CADPS: variants seen among roughly 807,000 people sequenced by gnomAD.
The protein encoded by CADPS is calcium dependent secretion activator.
In CADPS, 57 loss-of-function variants were observed where a neutral mutation model predicts 167.3. The observed-to-expected ratio is 0.34, with a 90% CI of 0.28 to 0.42. The LOEUF (loss-of-function observed/expected upper bound fraction) is 0.42, where lower values mean the gene tolerates loss of function less well. Among genes scored for constraint, CADPS ranks in the 20% least tolerant of loss-of-function variants. CADPS has a pLI of 1.00. For synonymous variants in CADPS, 676 were observed against 635.3 expected, an observed-to-expected ratio of 1.06 and a Z score of -0.96; for missense variants, 1,414 against 1,738.1, an observed-to-expected ratio of 0.81 and a Z score of 3.32.
Position 62,875,050 on chromosome 3 carries a change from G to A in CADPS, c.-21C>T, listed in dbSNP as rs754525643. Reference sequence around the variant, plus strand: ...AGCATAGTGGCGCCTGGGGAGCGGGGTCTCTGGAGCCCCCGGCTTGGAGTG... The same window carrying A: ...AGCATAGTGGCGCCTGGGGAGCGGGATCTCTGGAGCCCCCGGCTTGGAGTG... On this transcript the variant is annotated 5_prime_UTR_variant, in exon 1 of 30. Transcript: ENST00000383710. 2.5e-6 allele frequency: 4 copies of A among 1,571,912 alleles called. No individual in the cohort carries two copies. The highest frequency in any genetic ancestry group is 3.5e-5 in the Admixed American group (2 of 56,908).
chr3:62,629,757 G>GTTTTTTTTTTTTTTTTTTTTTTTTT (rs55956118), intron 6 of CADPS, among the ~76,000 whole-genome samples: 2 of 145,676 alleles, frequency 1.4e-5, no homozygotes, highest in Non-Finnish European at 1.5e-5. Flanking sequence ...CTCTGGTACA[G>GTTTTTTTTTTTTTTTTTTTTTTTTT]TTTTTTTTTT....
chr3:62,542,941 A>C (rs1182018198), intron 11 of CADPS, among the ~76,000 whole-genome samples: 2 of 152,304 alleles, frequency 1.3e-5, no homozygotes, highest in East Asian at 3.9e-4. Context: ...CACTCACTCC[A>C]ACATGAGCAA....
At position 62,489,191 on chromosome 3, in the gene CADPS, C is replaced by T. The variant is rs997096838; in HGVS notation, c.3026+2148G>A. 4.6e-5 allele frequency among the ~76,000 whole-genome samples: 7 copies of T among 151,652 alleles called. No homozygotes were observed. In the East Asian group the frequency reaches 7.8e-4, roughly 17 times the overall value. On this transcript the variant is annotated intron_variant, in intron 21 of 29. Coordinates refer to ENST00000383710, the MANE Select transcript of CADPS (RefSeq NM_003716.4). ...TATTTTTTTTTTTGAGACGGCATCTCGGTCTGTCACCCAGGCTGGAGTGCA... is the reference window on the plus strand; with the variant it reads ...TATTTTTTTTTTTGAGACGGCATCTTGGTCTGTCACCCAGGCTGGAGTGCA...
intron 1 of CADPS, among the ~76,000 whole-genome samples, chr3:62,821,193 G>A (rs946229770): frequency 6.6e-6 from 1 of 152,056 alleles, no homozygotes; most frequent in African/African-American, 2.4e-5. Context: ...GTTTGCTATT[G>A]TTACATAACA....
chr3:62,591,542 C>T (rs761283324), intron 7 of CADPS, among the ~76,000 whole-genome samples: 49 of 151,796 alleles, frequency 3.2e-4, no homozygotes, highest in Admixed American at 4.6e-4. Flanking sequence ...GTATAGTAGG[C>T]GGGGAGGAAT....
At chr3:62,777,940 G>A (rs2090712103) in intron 1 of CADPS, among the ~76,000 whole-genome samples, 1 of 152,146 alleles carries the variant, frequency 6.6e-6, no homozygotes, top group African/African-American at 2.4e-5. Flanking sequence ...TGAGCCGGCT[G>A]AATTGTACTG....
intron 11 of CADPS, among the ~76,000 whole-genome samples, chr3:62,549,023 CT>C (rs1164450331): frequency 6.6e-6 from 1 of 152,184 alleles, no homozygotes; most frequent in Non-Finnish European, 1.5e-5. Context: ...TAGACAGTTG[CT>C]CAATGACCTA....
intron 6 of CADPS, among the ~76,000 whole-genome samples, chr3:62,631,098 T>C (rs1307268265): frequency 6.8e-6 from 1 of 147,406 alleles, no homozygotes; most frequent in Admixed American, 6.7e-5. Context: ...TTAAAAACTT[T>C]ATCTGTATAA....
At chr3:62,804,755 C>T (rs377202739) in intron 1 of CADPS, among the ~76,000 whole-genome samples, 4 of 151,992 alleles carry the variant, frequency 2.6e-5, no homozygotes, top group African/African-American at 7.2e-5. Context: ...CAACGTATCA[C>T]AGTGATTTAT....
chr3:62,633,001 C>G (rs2065585482), intron 6 of CADPS, among the ~76,000 whole-genome samples: 1 of 152,078 alleles, frequency 6.6e-6, no homozygotes, highest in African/African-American at 2.4e-5. Context: ...CACTCAAGGT[C>G]ATTCACCGAG....
intron 1 of CADPS, among the ~76,000 whole-genome samples, chr3:62,853,047 C>G (rs1409969403): frequency 6.6e-6 from 1 of 152,158 alleles, no homozygotes; most frequent in Non-Finnish European, 1.5e-5. Context: ...GAAAGCCCAT[C>G]TAAGCAGTGG....
chr3:62,608,438 A>G (rs1202918814), intron 6 of CADPS, among the ~76,000 whole-genome samples: 3 of 151,910 alleles, frequency 2.0e-5, no homozygotes, highest in African/African-American at 7.3e-5. Flanking sequence ...ATGTGCCACC[A>G]TGCCAGGCGA....
chr3:62,599,607 TA>T (rs1197052969), intron 6 of CADPS, among the ~76,000 whole-genome samples: 2 of 66,244 alleles, frequency 3.0e-5, no homozygotes, highest in African/African-American at 5.9e-5. Flanking sequence ...ATATATTTAT[TA>T]TATTATATAT....
chr3:62,512,956 A>C (rs936792091), intron 16 of CADPS, among the ~76,000 whole-genome samples, 188 bp from the exon 17 acceptor site: 11 of 152,128 alleles, frequency 7.2e-5, no homozygotes, highest in African/African-American at 2.7e-4. Context: ...TCCTTCACAG[A>C]GGTGGAAAAT....
chr3:62,661,495 G>A (rs1427333676), intron 4 of CADPS, among the ~76,000 whole-genome samples: 1 of 152,144 alleles, frequency 6.6e-6, no homozygotes, highest in Non-Finnish European at 1.5e-5. Context: ...GGACTCGGGA[G>A]TTCCGGTGGG....
intron 7 of CADPS, among the ~76,000 whole-genome samples, chr3:62,590,548 T>C (rs749049944): frequency 4.6e-5 from 7 of 152,232 alleles, no homozygotes; most frequent in Non-Finnish European, 1.0e-4. Flanking sequence ...TAGCTTTATT[T>C]ACTTTTCGTT....
At chr3:62,641,275 C>T (rs2067364342) in intron 6 of CADPS, among the ~76,000 whole-genome samples, 2 of 152,142 alleles carry the variant, frequency 1.3e-5, no homozygotes, top group South Asian at 4.1e-4. Context: ...TGTTAATGAC[C>T]TACTAGCATC....
intron 9 of CADPS, among the ~76,000 whole-genome samples, chr3:62,563,120 A>G (rs2079473521): frequency 6.6e-6 from 1 of 152,212 alleles, no homozygotes; most frequent in Admixed American, 6.5e-5. Context: ...TAGTTAACCA[A>G]TACAATTCTT....
chr3:62,760,048 C>T (rs1176139891), intron 2 of CADPS, among the ~76,000 whole-genome samples: 1 of 152,072 alleles, frequency 6.6e-6, no homozygotes, highest in East Asian at 1.9e-4. Context: ...AGTACTTTCC[C>T]TTTTCTTTTC....
Sources: allele counts gnomAD v4.1 joint callset (sites outside exome capture counted in the v4.1 genomes callset), GRCh38; gene constraint gnomAD v4.1.1; transcripts MANE v1.5; gene names NCBI Gene and HGNC (gene_info 2026-07-23, HGNC 2026-07-21).